The following SMURF2 variants were observed in gnomAD, a reference collection of about 807,000 sequenced individuals.
SMURF2 encodes SMAD specific E3 ubiquitin protein ligase 2.
Under a neutral mutation model 109.6 loss-of-function variants are expected in SMURF2, and 48 were observed. The ratio of observed to expected loss-of-function variants is 0.44; its 90% confidence interval spans 0.35 to 0.56. SMURF2 has a LOEUF of 0.56. Ranked by LOEUF, SMURF2 falls within the 20% of genes least tolerant of loss-of-function variation. SMURF2 has a pLI of 0.01. For missense variants in SMURF2, 575 were observed against 909.0 expected, an observed-to-expected ratio of 0.63 and a Z score of 4.72; for synonymous variants, 288 against 317.1, an observed-to-expected ratio of 0.91 and a Z score of 0.97.
intron 9 of SMURF2, among the ~76,000 whole-genome samples, chr17:64,573,814 T>G (rs183839968): frequency 6.6e-6 from 1 of 152,268 alleles, no homozygotes; most frequent in African/African-American, 2.4e-5. Context: ...AAATAGATTT[T>G]TAATGGTTTA....
intron 15 of SMURF2, among the ~76,000 whole-genome samples, chr17:64,553,887 A>G (rs1301741928): frequency 6.6e-6 from 1 of 152,200 alleles, no homozygotes; most frequent in Non-Finnish European, 1.5e-5. Context: ...CATTTTAGTA[A>G]GATTTGGGAA....
At chr17:64,641,514 A>G (rs1274955751) in intron 1 of SMURF2, among the ~76,000 whole-genome samples, 1 of 152,188 alleles carries the variant, frequency 6.6e-6, no homozygotes, top group African/African-American at 2.4e-5. Flanking sequence ...TTTTGTAACC[A>G]ATAGAATGCA....
At chr17:64,611,432 C>T (rs1598295367) in intron 1 of SMURF2, among the ~76,000 whole-genome samples, 1 of 152,210 alleles carries the variant, frequency 6.6e-6, no homozygotes, top group East Asian at 1.9e-4. Context: ...ATGCGTTCCC[C>T]CCAAAAATCA....
At chr17:64,617,102 T>C (rs1296615948) in intron 1 of SMURF2, among the ~76,000 whole-genome samples, 1 of 144,482 alleles carries the variant, frequency 6.9e-6, no homozygotes, top group South Asian at 2.2e-4. Context: ...AAAATCTTAG[T>C]CCAGTTAAAG....
chr17:64,653,472 ATT>A (rs56105490), intron 1 of SMURF2, among the ~76,000 whole-genome samples: 25 of 147,906 alleles, frequency 1.7e-4, no homozygotes, highest in African/African-American at 6.2e-4. Context: ...AAAAAAAAAA[ATT>A]TTTTTTTTTG....
Position 64,621,905 on chromosome 17 carries a change from AT to A in SMURF2, c.53-15266del, listed in dbSNP as rs1326811113. Among the ~76,000 whole-genome samples the A allele has an allele frequency of 7.2e-3, 919 of 127,856 alleles. 7 individuals carry two copies. The highest frequency in any genetic ancestry group is 7.2e-3 in the Non-Finnish European group (442 of 61,646). The allele number at this position is 127,856 out of a possible 152,430, so 83.9% of individuals were successfully genotyped here. On this transcript the variant is annotated intron_variant, in intron 1 of 18. Transcript: ENST00000262435. Reference sequence around the variant, plus strand: ...AATAAATAAATAAATAAATAAATAAATAATAATAATAATAATAATAAAAAGC... The same window carrying A: ...AATAAATAAATAAATAAATAAATAAAAATAATAATAATAATAATAAAAAGC...
chr17:64,597,422 G>T (rs1555688181), intron 3 of SMURF2, among the ~76,000 whole-genome samples: 1 of 151,792 alleles, frequency 6.6e-6, no homozygotes, highest in African/African-American at 2.4e-5. Flanking sequence ...AATTTTAAAA[G>T]AATTTTTAAT....
intron 1 of SMURF2, among the ~76,000 whole-genome samples, chr17:64,647,708 C>T (rs1163314292): frequency 6.8e-6 from 1 of 147,040 alleles, no homozygotes; most frequent in Non-Finnish European, 1.5e-5. Flanking sequence ...ATTTAGGGAA[C>T]AAATTTCGTC....
chr17:64,660,313 G>A (rs566627497), intron 1 of SMURF2, among the ~76,000 whole-genome samples: 1 of 152,202 alleles, frequency 6.6e-6, no homozygotes, highest in African/African-American at 2.4e-5. Context: ...GACAGCAACA[G>A]CAACAGATAA....
At chr17:64,624,766 T>C (rs534611871) in intron 1 of SMURF2, among the ~76,000 whole-genome samples, 124 of 151,696 alleles carry the variant, frequency 8.2e-4, no homozygotes, top group Non-Finnish European at 1.4e-3. Context: ...TGAGGCTGCA[T>C]TGAGCTGTGT....
intron 7 of SMURF2, among the ~76,000 whole-genome samples, chr17:64,582,916 G>T (rs139051034): frequency 0.059 from 8,002 of 134,842 alleles, 302 homozygotes; most frequent in Admixed American, 0.14. Flanking sequence ...TTTTTTTTTT[G>T]GGGACAGAGT....
chr17:64,631,270 GA>G (rs1277409704), intron 1 of SMURF2, among the ~76,000 whole-genome samples: 102 of 6,766 alleles, frequency 0.015, 6 homozygotes, highest in African/African-American at 0.04. Flanking sequence ...GGGGGGGAGA[GA>G]GGGGGGGGGG....
chr17:64,582,915 T>TGG (rs58826226), intron 7 of SMURF2, among the ~76,000 whole-genome samples: 1 of 151,432 alleles, frequency 6.6e-6, no homozygotes, highest in African/African-American at 2.4e-5. Flanking sequence ...TTTTTTTTTT[T>TGG]GGGGACAGAG....
intron 1 of SMURF2, among the ~76,000 whole-genome samples, chr17:64,636,156 T>C (rs1463258836): frequency 2.0e-5 from 3 of 152,216 alleles, no homozygotes; most frequent in African/African-American, 7.2e-5. Flanking sequence ...CCCTTTTTTT[T>C]GAAATGTGGT....
rs530831969 is a variant in SMURF2, at chr17:64,581,646, C to A, written c.570-655G>T. On this transcript the variant is annotated intron_variant, in intron 7 of 18. Coordinates refer to ENST00000262435, the MANE Select transcript of SMURF2 (RefSeq NM_022739.4). This position sits in a 1 kb window ranked among gnomAD's most constrained non-coding sequence, Gnocchi z 4.3. ...CAAAATAAAAAAATAATCAAGAGTTCATTCTTAAATTAACATGGCAGGGTA... is the reference window on the plus strand; with the variant it reads ...CAAAATAAAAAAATAATCAAGAGTTAATTCTTAAATTAACATGGCAGGGTA... 6.6e-6 allele frequency among the ~76,000 whole-genome samples: 1 copy of A among 152,098 alleles called. No homozygotes were observed. The highest frequency in any genetic ancestry group is 2.4e-5 in the African/African-American group (1 of 41,496).
chr17:64,605,758 T>TATATATAC (rs2144673960), intron 2 of SMURF2, among the ~76,000 whole-genome samples: 1 of 140,700 alleles, frequency 7.1e-6, no homozygotes, highest in South Asian at 2.2e-4. Flanking sequence ...TATATATATA[T>TATATATAC]ATATATATAT....
intron 1 of SMURF2, among the ~76,000 whole-genome samples, chr17:64,635,157 T>C (rs1250198710): frequency 6.6e-6 from 1 of 151,816 alleles, no homozygotes; most frequent in South Asian, 2.1e-4. Context: ...TGAAATTCCA[T>C]CTCTATTAAA....
intron 2 of SMURF2, among the ~76,000 whole-genome samples, chr17:64,603,578 C>CAGG (rs145816722): frequency 1.7e-5 from 2 of 120,676 alleles, no homozygotes; most frequent in African/African-American, 6.0e-5. Context: ...AAGACTCCGT[C>CAGG]GGGGGAAAAA....
rs566350122 is a variant in SMURF2, at chr17:64,551,185, C to A, written c.1869+399G>T. Among the ~76,000 whole-genome samples, 4 of 152,078 alleles carry A rather than the reference C, an allele frequency of 2.6e-5. No homozygotes were observed. The East Asian group carries it at 7.7e-4, about 29-fold the overall frequency. ...GACCACCCTGGGAAACATGGCAAAA[C>A]CCTGTCTCTACCAAAAAAAACAAAA... On this transcript the variant is annotated intron_variant, in intron 16 of 18. Coordinates refer to ENST00000262435, the MANE Select transcript of SMURF2 (RefSeq NM_022739.4).
Sources: gnomAD v4.1 joint callset for allele counts (sites outside exome capture counted in the v4.1 genomes callset) on GRCh38, gnomAD v4.1.1 for gene constraint, Gnocchi (gnomAD v3.1) non-coding constraint, MANE v1.5 for transcripts, NCBI Gene and HGNC (gene_info 2026-07-23, HGNC 2026-07-21) for gene names.